Variants in ARID2 observed in about 807,000 individuals in gnomAD.
ARID2 encodes the protein AT-rich interaction domain 2.
Under a neutral mutation model 184.6 loss-of-function variants are expected in ARID2, and 32 were observed. That is an observed-to-expected ratio of 0.17 (90% confidence interval 0.13 to 0.23). ARID2 has a LOEUF of 0.23. ARID2 is among the 10% of genes least tolerant of loss of function. The pLI is 1.00. For synonymous variants in ARID2, 836 were observed against 772.6 expected (o/e 1.08, Z -1.36); for missense variants, 1,696 against 2,197.6 (o/e 0.77, Z 4.56).
In ARID2 at chr12:45,851,302, T is replaced by C. The variant is rs1056699241; in HGVS notation, c.3179T>C (p.Ile1060Thr). Reference sequence around the variant, plus strand: ...CCTGCCTCTGGTGAGTCGAGTCTGATTAAACAGCTTCTGCTTCCGAAACGT... The same window carrying C: ...CCTGCCTCTGGTGAGTCGAGTCTGACTAAACAGCTTCTGCTTCCGAAACGT... Reference protein sequence around the residue: ...GQPASGESSLIKQLLLPKRGP... With the variant: ...GQPASGESSLTKQLLLPKRGP... Residue 1060 changes from isoleucine (I) to threonine (T), a missense_variant, in exon 15 of 21, where the codon ATT (isoleucine) becomes ACT (threonine). Physicochemically the swap from Ile to Thr is moderately conservative, Grantham distance 89. Transcript: ENST00000334344. 1 of 1,614,040 alleles carries C rather than the reference T, an allele frequency of 6.2e-7. No individual in the cohort carries two copies. Among genetic ancestry groups the C allele is most frequent in the African/African-American group, 1.3e-5 (1 of 74,914 alleles).
intron 20 of ARID2, among the ~76,000 whole-genome samples, chr12:45,895,071 CCCCTT>C (rs1944352644): frequency 6.6e-6 from 1 of 152,194 alleles, no homozygotes; most frequent in African/African-American, 2.4e-5. Context: ...TTGCTCTATT[CCCCTT>C]CCCTACTGAG....
Position 45,893,442 on chromosome 12 carries a change from A to G in ARID2, c.5170A>G (p.Ser1724Gly). 6.2e-7 allele frequency: 1 copy of G among 1,613,702 alleles called. No homozygotes were observed. Among genetic ancestry groups the G allele is most frequent in the Non-Finnish European group, 8.5e-7 (1 of 1,179,810 alleles). Reference sequence around the variant, plus strand: ...TAGGCAGCCAACTGTAGGGGGCACAAGCTCAACTCCTAGAGCACAAAAGGC... The same window carrying G: ...TAGGCAGCCAACTGTAGGGGGCACAGGCTCAACTCCTAGAGCACAAAAGGC... ...STKQPTVGGT[S>G]STPRAQKAIV... Residue 1724 changes from serine (S) to glycine (G), a missense_variant, in exon 19 of 21, where the codon AGC becomes GGC. Around this residue, in one of 11 missense-constraint regions of ARID2, gnomAD observed 58 missense variants for 47.1 expected, o/e 1.23. Coordinates refer to ENST00000334344, the MANE Select transcript of ARID2 (RefSeq NM_152641.4).
Position 45,851,882 on chromosome 12 carries a change from A to G in ARID2, c.3759A>G (p.Ala1253=). ...ICQKEEEAKE[A]TGLHVHERKI... is the part of the protein sequence containing the mutation. ...AAAAGGAGGAGGAAGCAAAGGAAGCAACAGGTTTACATGTTCATGAACGTA... is the reference window on the plus strand; with the variant it reads ...AAAAGGAGGAGGAAGCAAAGGAAGCGACAGGTTTACATGTTCATGAACGTA... The change falls in exon 15 of 21, where the codon GCA becomes GCG. Residue 1253 remains alanine (A), a synonymous_variant. Transcript: ENST00000334344. 6.2e-7 allele frequency: 1 copy of G among 1,614,246 alleles called. No homozygotes were observed.
intron 3 of ARID2, among the ~76,000 whole-genome samples, chr12:45,753,697 G>A (rs186307526): frequency 6.6e-4 from 100 of 152,192 alleles, no homozygotes; most frequent in Non-Finnish European, 1.1e-3. Context: ...TTGGTCAAGC[G>A]ATCCTCCCAC....
intron 16 of ARID2, chr12:45,880,981 AT>A (rs1229454795): frequency 1.0e-5 from 2 of 198,858 alleles, no homozygotes; most frequent in Non-Finnish European, 2.1e-5. Flanking sequence ...AATATAAAAG[AT>A]TTTGTTTGAG....
intron 5 of ARID2, among the ~76,000 whole-genome samples, chr12:45,820,039 C>T (rs371580907): frequency 2.8e-4 from 42 of 152,152 alleles, no homozygotes; most frequent in African/African-American, 8.4e-4. Context: ...CCACCATGCC[C>T]GGCCCCTAGG....
chr12:45,804,123 G>A (rs1408661917), intron 3 of ARID2, among the ~76,000 whole-genome samples: 2 of 152,148 alleles, frequency 1.3e-5, no homozygotes, highest in African/African-American at 4.8e-5. Flanking sequence ...AGCAAGTACT[G>A]TTGTGGCTGA....
At chr12:45,738,779 CTTTTTTTTTTTTTTTTTT>C (rs11333868) in intron 3 of ARID2, among the ~76,000 whole-genome samples, 43 of 62,290 alleles carry the variant, frequency 6.9e-4, no homozygotes, top group South Asian at 8.0e-4. Context: ...ATATGGGCTA[CTTTTTTTTTTTTTTTTTT>C]TTTTTTTTTT....
intron 16 of ARID2, among the ~76,000 whole-genome samples, chr12:45,863,732 A>G (rs1943788555): frequency 6.6e-6 from 1 of 152,156 alleles, no homozygotes; most frequent in African/African-American, 2.4e-5. Flanking sequence ...TAAGGACTTA[A>G]AAGTGACTTT....
chr12:45,863,832 T>A (rs1163953475), intron 16 of ARID2, among the ~76,000 whole-genome samples: 1 of 137,310 alleles, frequency 7.3e-6, no homozygotes, highest in Non-Finnish European at 1.5e-5. Context: ...TTTTTTCTTT[T>A]TCTTTTTCTT....
chr12:45,904,365 G>T (rs1944494361), intron 20 of ARID2: 2 of 716,012 alleles, frequency 2.8e-6, no homozygotes, highest in East Asian at 2.7e-5. Flanking sequence ...GATTGAAAAA[G>T]AATTTTGCTG....
intron 3 of ARID2, among the ~76,000 whole-genome samples, chr12:45,779,090 T>G (rs1942040134): frequency 6.6e-6 from 1 of 152,132 alleles, no homozygotes; most frequent in Non-Finnish European, 1.5e-5. Context: ...GTCATACATT[T>G]AAGTTACCCT....
At chr12:45,831,755 A>G (rs1414885965) in intron 6 of ARID2, among the ~76,000 whole-genome samples, 3 of 152,100 alleles carry the variant, frequency 2.0e-5, no homozygotes, top group African/African-American at 7.2e-5. Context: ...GAAATCATCA[A>G]CTGTAATTAT....
At chr12:45,784,794 C>T (rs549620769) in intron 3 of ARID2, among the ~76,000 whole-genome samples, 3 of 152,214 alleles carry the variant, frequency 2.0e-5, no homozygotes, top group South Asian at 2.1e-4. Flanking sequence ...AGGCAGACCA[C>T]ATACGAAGAA....
At chr12:45,732,108 C>T (rs1941016117) in intron 3 of ARID2, among the ~76,000 whole-genome samples, 1 of 150,894 alleles carries the variant, frequency 6.6e-6, no homozygotes, top group African/African-American at 2.4e-5. Flanking sequence ...TCTAGGAATA[C>T]TTTCATACTG....
At chr12:45,899,697 A>ATATATATATATGGT (rs1300440865) in intron 20 of ARID2, among the ~76,000 whole-genome samples, 2,402 of 105,184 alleles carry the variant, frequency 0.023, 106 homozygotes, top group African/African-American at 0.11. Flanking sequence ...ATATATGGTT[A>ATATATATATATGGT]TATATATATA....
At chr12:45,756,200 C>T (rs1941567879) in intron 3 of ARID2, among the ~76,000 whole-genome samples, 1 of 152,190 alleles carries the variant, frequency 6.6e-6, no homozygotes, top group East Asian at 1.9e-4. Context: ...GCCAACGCGC[C>T]CAGCCTAGAA....
At chr12:45,869,776 A>C (rs1386668640) in intron 16 of ARID2, among the ~76,000 whole-genome samples, 1 of 151,874 alleles carries the variant, frequency 6.6e-6, no homozygotes, top group African/African-American at 2.4e-5. Context: ...CCAGCTAATA[A>C]GGAGGCTGAA....
At chr12:45,808,732 C>T (rs999181641) in intron 3 of ARID2, among the ~76,000 whole-genome samples, 10 of 146,488 alleles carry the variant, frequency 6.8e-5, no homozygotes, top group Non-Finnish European at 1.1e-4. Flanking sequence ...TGTGTGTTTG[C>T]GTGCGTGTGT....
Sources: gnomAD v4.1 joint callset for allele counts (sites outside exome capture counted in the v4.1 genomes callset) on GRCh38, gnomAD v4.1.1 for gene constraint, gnomAD v4.1.1 regional missense constraint, MANE v1.5 for transcripts, NCBI Gene and HGNC (gene_info 2026-07-23, HGNC 2026-07-21) for gene names.